SIK3: variants seen among roughly 807,000 people sequenced by gnomAD.
SIK3 encodes the protein serine/threonine-protein kinase SIK3.
In SIK3, 28 loss-of-function variants were observed where a neutral mutation model predicts 144.2. The observed-to-expected ratio is 0.19, with a 90% CI of 0.14 to 0.27. The LOEUF is 0.27. Ranked by LOEUF, SIK3 falls within the 10% of genes least tolerant of loss-of-function variation. The pLI is 1.00. For synonymous variants in SIK3, 686 were observed against 676.3 expected, an observed-to-expected ratio of 1.01 and a Z score of -0.22; for missense variants, 1,319 against 1,776.0, an observed-to-expected ratio of 0.74 and a Z score of 4.62.
At chr11:117,031,301 C>T (rs1319224764) in intron 1 of SIK3, among the ~76,000 whole-genome samples, 1 of 150,142 alleles carries the variant, frequency 6.7e-6, no homozygotes, top group Non-Finnish European at 1.5e-5. Context: ...CATTTAAGTC[C>T]ATGATCCACT....
intron 3 of SIK3, among the ~76,000 whole-genome samples, chr11:116,929,077 G>T (rs887892123): frequency 6.6e-6 from 1 of 152,156 alleles, no homozygotes; most frequent in Admixed American, 6.5e-5. Context: ...TAAACAACAC[G>T]AAGTCCAAAC....
In SIK3 at chr11:116,913,710, G is replaced by A. The variant is rs374415430; in HGVS notation, c.616+13509C>T. 8.7e-4 allele frequency among the ~76,000 whole-genome samples: 132 copies of A among 152,182 alleles called. 4 individuals carry two copies. In the South Asian group the frequency reaches 0.026, roughly 30 times the overall value. On this transcript the variant is annotated intron_variant, in intron 4 of 24. Coordinates refer to ENST00000445177, the MANE Select transcript of SIK3 (RefSeq NM_001366686.3). The stretch of plus-strand genomic sequence containing the variant: ...AAAGCCTAATCATTTAATCAGGTAA[G>A]TTTCTAATAATGATAGGTGAGCATG...
intron 1 of SIK3, among the ~76,000 whole-genome samples, chr11:117,081,431 G>C (rs1212013240): frequency 1.3e-5 from 2 of 152,082 alleles, no homozygotes; most frequent in African/African-American, 4.8e-5. Flanking sequence ...AGACCATCCT[G>C]GCTAACACGG....
At chr11:117,021,811 A>G (rs1951771952) in intron 1 of SIK3, among the ~76,000 whole-genome samples, 1 of 151,682 alleles carries the variant, frequency 6.6e-6, no homozygotes, top group African/African-American at 2.4e-5. Context: ...AGAATAAAAT[A>G]AAATAAATCT....
intron 13 of SIK3, among the ~76,000 whole-genome samples, chr11:116,872,331 G>A (rs776974846): frequency 6.6e-6 from 1 of 152,200 alleles, no homozygotes; most frequent in Non-Finnish European, 1.5e-5. Flanking sequence ...GTCCCATAAA[G>A]CTGACCATGA....
chr11:116,861,178 C>T (rs932358472), intron 19 of SIK3, 96 bp downstream of exon 19: 1 of 972,190 alleles, frequency 1.0e-6, no homozygotes, highest in East Asian at 2.5e-5. Flanking sequence ...CTATGTTATT[C>T]TGCCTTTCAA....
chr11:117,071,677 G>A (rs1039585695), intron 1 of SIK3, among the ~76,000 whole-genome samples: 1 of 152,036 alleles, frequency 6.6e-6, no homozygotes, highest in Non-Finnish European at 1.5e-5. Flanking sequence ...GAATGCAGTG[G>A]TTTGATCATG....
At chr11:116,896,524 C>T (rs1591259810) in intron 5 of SIK3, 148 bp from the exon 6 acceptor site, 2 of 828,270 alleles carry the variant, frequency 2.4e-6, no homozygotes, top group Non-Finnish European at 3.5e-6. Context: ...TAACAATCTT[C>T]TTTGCTTCTA....
chr11:116,914,769 C>T (rs1565445704), intron 4 of SIK3, among the ~76,000 whole-genome samples: 1 of 152,130 alleles, frequency 6.6e-6, no homozygotes, highest in South Asian at 2.1e-4. Context: ...ATCAAGAAAA[C>T]CATGGTATAC....
intron 1 of SIK3, among the ~76,000 whole-genome samples, chr11:117,023,414 ATT>A (rs59626113): frequency 0.15 from 21,390 of 138,450 alleles, 2,299 homozygotes; most frequent in African/African-American, 0.31. Context: ...ACACCTGATG[ATT>A]TTTTTTTTTT....
At chr11:116,901,399 A>G (rs1945733515) in intron 4 of SIK3, among the ~76,000 whole-genome samples, 1 of 152,154 alleles carries the variant, frequency 6.6e-6, no homozygotes. Context: ...CAGCAACGAG[A>G]GCCTCTGCCT....
At chr11:117,078,818 G>C (rs1308810175) in intron 1 of SIK3, among the ~76,000 whole-genome samples, 4 of 152,148 alleles carry the variant, frequency 2.6e-5, no homozygotes, top group Non-Finnish European at 5.9e-5. Flanking sequence ...TTCGACATCA[G>C]TGGGGTGCCA....
intron 4 of SIK3, among the ~76,000 whole-genome samples, chr11:116,922,907 CTTTTTTTTTT>C (rs202058609): frequency 4.2e-4 from 43 of 102,168 alleles, no homozygotes; most frequent in African/African-American, 9.1e-4. Flanking sequence ...TTTCTTTTCT[CTTTTTTTTTT>C]TTTTTTTTTT....
At chr11:117,035,444 C>T (rs1952453083) in intron 1 of SIK3, among the ~76,000 whole-genome samples, 1 of 152,172 alleles carries the variant, frequency 6.6e-6, no homozygotes, top group South Asian at 2.1e-4. Context: ...ATTCTATTTG[C>T]AAATTAAAAC....
intron 22 of SIK3, 103 bp from the exon 23 acceptor site, chr11:116,847,711 C>A (rs1942092217): frequency 1.4e-6 from 2 of 1,481,038 alleles, no homozygotes; most frequent in Non-Finnish European, 1.9e-6. Context: ...CAAAAGACAG[C>A]CCGGGGCCCC....
In SIK3 at chr11:116,875,429, A is replaced by C. The variant is rs755990884; in HGVS notation, c.1262T>G (p.Met421Arg). The C allele has an allele frequency of 8.1e-6, 13 of 1,614,086 alleles. No homozygotes were observed. The highest frequency in any genetic ancestry group is 1.1e-5 in the Non-Finnish European group (13 of 1,180,026). Residue 421 changes from methionine (M) to arginine (R), a missense_variant, in exon 10 of 25, where the codon ATG (methionine) becomes AGG (arginine). Physicochemically the swap from Met to Arg is moderately conservative, Grantham distance 91. Coordinates refer to ENST00000445177, the MANE Select transcript of SIK3 (RefSeq NM_001366686.3). ...NIQAEQAGTA[M>R]NISVPQVQLI... is the part of the protein sequence containing the mutation. ...CTGCACCTGGGGAACGCTGATGTTCATAGCAGTACCTGCCTGCTCCGCCTG... is the reference window on the plus strand; with the variant it reads ...CTGCACCTGGGGAACGCTGATGTTCCTAGCAGTACCTGCCTGCTCCGCCTG...
At chr11:116,915,218 G>C (rs984754127) in intron 4 of SIK3, among the ~76,000 whole-genome samples, 2 of 151,490 alleles carry the variant, frequency 1.3e-5, no homozygotes, top group Non-Finnish European at 2.9e-5. Context: ...TAGAGATGGG[G>C]TCTTATTATG....
chr11:116,974,965 TC>T (rs1445102860), intron 1 of SIK3, among the ~76,000 whole-genome samples: 1 of 152,194 alleles, frequency 6.6e-6, no homozygotes, highest in African/African-American at 2.4e-5. Context: ...TATCCATCTC[TC>T]CTCTTCCCTA....
At chr11:116,848,755 G>A (rs2134288236) in intron 22 of SIK3, among the ~76,000 whole-genome samples, 1 of 152,280 alleles carries the variant, frequency 6.6e-6, no homozygotes, top group African/African-American at 2.4e-5. Flanking sequence ...CTGAGCTCAG[G>A]AATTCGAGAC....
Sources: gnomAD v4.1 joint callset for allele counts (sites outside exome capture counted in the v4.1 genomes callset) on GRCh38, gnomAD v4.1.1 for gene constraint, MANE v1.5 for transcripts, NCBI Gene and HGNC (gene_info 2026-07-23, HGNC 2026-07-21) for gene names.